The following APBA1 variants were observed in gnomAD, a reference collection of about 807,000 sequenced individuals.
APBA1 encodes amyloid-beta A4 precursor protein-binding family A member 1.
APBA1 carries 55 observed loss-of-function variants against 86.6 expected under a neutral mutation model. That is an observed-to-expected ratio of 0.64 (90% confidence interval 0.51 to 0.80). The LOEUF (loss-of-function observed/expected upper bound fraction) is 0.80, where lower values mean the gene tolerates loss of function less well. Ranked by LOEUF, APBA1 falls within the 30% of genes least tolerant of loss-of-function variation. The pLI is 0.00. For synonymous variants in APBA1, 511 were observed against 493.9 expected (o/e 1.03, Z -0.46); for missense variants, 1,090 against 1,183.0 (o/e 0.92, Z 1.15).
chr9:69,574,695 T>C (rs1423722049), intron 1 of APBA1, among the ~76,000 whole-genome samples: 3 of 152,130 alleles, frequency 2.0e-5, no homozygotes, highest in South Asian at 4.2e-4. Context: ...TTTTGAAACA[T>C]GGATCCATTT....
chr9:69,576,354 T>C (rs1821796572), intron 1 of APBA1, among the ~76,000 whole-genome samples: 1 of 152,226 alleles, frequency 6.6e-6, no homozygotes, highest in African/African-American at 2.4e-5. Flanking sequence ...ATCCCATTAC[T>C]GGGTATATAC....
At chr9:69,668,792 G>T (rs1203225227) in intron 1 of APBA1, among the ~76,000 whole-genome samples, 1 of 152,060 alleles carries the variant, frequency 6.6e-6, no homozygotes, top group East Asian at 1.9e-4. Context: ...TCCACTGCCA[G>T]GCCTGTGCTA....
chr9:69,577,832 C>T (rs929199072), intron 1 of APBA1, among the ~76,000 whole-genome samples: 1 of 151,958 alleles, frequency 6.6e-6, no homozygotes, highest in Non-Finnish European at 1.5e-5. Context: ...AAAACAAGGC[C>T]CAGAGAGGTG....
At chr9:69,639,410 C>G (rs983295498) in intron 1 of APBA1, among the ~76,000 whole-genome samples, 4 of 152,092 alleles carry the variant, frequency 2.6e-5, no homozygotes, top group Non-Finnish European at 4.4e-5. Context: ...CTAAGAGAAC[C>G]TCTCAGGGGA....
chr9:69,535,159 G>T (rs1379210553), intron 1 of APBA1, among the ~76,000 whole-genome samples: 1 of 152,090 alleles, frequency 6.6e-6, no homozygotes, highest in Non-Finnish European at 1.5e-5. Flanking sequence ...ACTCAATAAA[G>T]AACCATTACT....
At chr9:69,435,571 C>T (rs1424433199) in intron 11 of APBA1, among the ~76,000 whole-genome samples, 1 of 152,172 alleles carries the variant, frequency 6.6e-6, no homozygotes, top group Non-Finnish European at 1.5e-5. Flanking sequence ...TTTCATGTGT[C>T]TTTTGGCTGC....
At chr9:69,599,138 A>G (rs1411439) in intron 1 of APBA1, among the ~76,000 whole-genome samples, 13,434 of 152,262 alleles carry the variant, frequency 0.088, 945 homozygotes, top group African/African-American at 0.19. Flanking sequence ...CTCTAAGGTC[A>G]GATAGTGCAG....
chr9:69,606,866 AG>A (rs1822487311), intron 1 of APBA1, among the ~76,000 whole-genome samples: 1 of 152,176 alleles, frequency 6.6e-6, no homozygotes, highest in Non-Finnish European at 1.5e-5. Flanking sequence ...GCTTCCTAAA[AG>A]AAGTGACACA....
At chr9:69,493,052 T>A (rs935519892) in intron 2 of APBA1, among the ~76,000 whole-genome samples, 3 of 152,112 alleles carry the variant, frequency 2.0e-5, no homozygotes, top group Admixed American at 6.5e-5. Flanking sequence ...ATATGCTGCA[T>A]GAGACTACAG....
At chr9:69,629,896 T>A (rs970221882) in intron 1 of APBA1, among the ~76,000 whole-genome samples, 2 of 152,184 alleles carry the variant, frequency 1.3e-5, no homozygotes, top group African/African-American at 4.8e-5. Context: ...AGTGAGGTCC[T>A]ACTCCCGGCC....
intron 2 of APBA1, among the ~76,000 whole-genome samples, chr9:69,483,757 G>A (rs1401179931): frequency 2.0e-5 from 3 of 152,054 alleles, no homozygotes; most frequent in Non-Finnish European, 4.4e-5. Context: ...TTCACATGCA[G>A]ACATCAGACA....
At chr9:69,663,999 A>G (rs1823801272) in intron 1 of APBA1, among the ~76,000 whole-genome samples, 1 of 152,224 alleles carries the variant, frequency 6.6e-6, no homozygotes, top group East Asian at 1.9e-4. Context: ...GTAATTCACT[A>G]ATGCTGGATG....
intron 8 of APBA1, among the ~76,000 whole-genome samples, chr9:69,454,376 G>A (rs1412135660): frequency 6.6e-6 from 1 of 152,156 alleles, no homozygotes; most frequent in East Asian, 1.9e-4. Flanking sequence ...CATCATTAGT[G>A]GATGCCCCTG....
rs184726316 is a variant in APBA1 at position 69,565,755 on chromosome 9, A to G, written c.-69-48476T>C. The stretch of plus-strand genomic sequence containing the variant: ...CAATCCACCACTCCCCTCCATGTCC[A>G]CAATGTCCACTTTCAGCTAGGCCTT... On this transcript the variant is annotated intron_variant, in intron 1 of 12. Coordinates refer to ENST00000265381, the MANE Select transcript of APBA1 (RefSeq NM_001163.4). Among the ~76,000 whole-genome samples the G allele has an allele frequency of 2.1e-3, 315 of 152,160 alleles. 1 individual carries two copies. Among genetic ancestry groups the G allele is most frequent in the African/African-American group, 7.4e-3 (306 of 41,510 alleles).
intron 3 of APBA1, among the ~76,000 whole-genome samples, chr9:69,473,810 T>C (rs1345406892): frequency 6.6e-6 from 1 of 152,208 alleles, no homozygotes; most frequent in Non-Finnish European, 1.5e-5. Context: ...ATGCATGAGC[T>C]CATGACTAGC....
chr9:69,495,741 T>G (rs907208538), intron 2 of APBA1, among the ~76,000 whole-genome samples: 1 of 151,912 alleles, frequency 6.6e-6, no homozygotes, highest in Non-Finnish European at 1.5e-5. Flanking sequence ...TCTGCTACGT[T>G]TATAGAACCT....
intron 11 of APBA1, among the ~76,000 whole-genome samples, chr9:69,439,633 T>A (rs1025967257): frequency 1.3e-5 from 2 of 152,140 alleles, no homozygotes; most frequent in African/African-American, 4.8e-5. Flanking sequence ...TTCAGCTCCA[T>A]CAGGTCCTTT....
At chr9:69,523,491 A>ATATG (rs1468304862) in intron 1 of APBA1, among the ~76,000 whole-genome samples, 1 of 13,168 alleles carries the variant, frequency 7.6e-5, no homozygotes, top group African/African-American at 1.6e-4. Flanking sequence ...ATATATATAT[A>ATATG]TATATGTATA....
intron 1 of APBA1, among the ~76,000 whole-genome samples, chr9:69,545,404 C>G (rs1307872899): frequency 6.6e-6 from 1 of 152,182 alleles, no homozygotes; most frequent in Non-Finnish European, 1.5e-5. Context: ...AGACACTTCC[C>G]AATTCTTTAT....
Sources: allele counts gnomAD v4.1 joint callset (sites outside exome capture counted in the v4.1 genomes callset), GRCh38; gene constraint gnomAD v4.1.1; transcripts MANE v1.5; gene names NCBI Gene and HGNC (gene_info 2026-07-23, HGNC 2026-07-21).